Variants in GRK3 observed in about 807,000 individuals in gnomAD.
GRK3 encodes the protein adrenergic, beta, receptor kinase 2.
GRK3 carries 54 observed loss-of-function variants against 95.7 expected under a neutral mutation model. The ratio of observed to expected loss-of-function variants is 0.56; its 90% CI spans 0.45 to 0.71. The LOEUF is 0.71. Among genes scored for constraint, GRK3 ranks in the 30% least tolerant of loss-of-function variants. GRK3 has a pLI of 0.00. For missense variants in GRK3, 649 were observed against 851.2 expected, an observed-to-expected ratio of 0.76 and a Z score of 2.96; for synonymous variants, 281 against 290.8, an observed-to-expected ratio of 0.97 and a Z score of 0.34.
chr22:25,685,222 T>C lies in GRK3; in HGVS notation c.800T>C (p.Leu267Pro). Residue 267 changes from leucine to proline, a missense_variant, in exon 10 of 21, where the codon CTC (leucine) becomes CCC (proline). By Grantham distance (98) the Leu-to-Pro change is moderately conservative. This residue lies in a region of GRK3 where 61 missense variants were observed against 126.0 expected (regional missense o/e 0.48). Transcript: ENST00000324198. The part of the protein sequence containing the change: ...MTYAFHTPDK[L>P]CFILDLMNGG... ...TATGCCTTCCATACCCCAGATAAAC[T>C]CTGCTTCATCCTGGATCTGATGAAC... 1 of 1,613,502 alleles carries C rather than the reference T, an allele frequency of 6.2e-7. No homozygotes were observed. The highest frequency in any genetic ancestry group is 1.1e-5 in the South Asian group (1 of 91,076).
chr22:25,719,196 T>TAA (rs60791959), intron 19 of GRK3, among the ~76,000 whole-genome samples: 21 of 143,038 alleles, frequency 1.5e-4, no homozygotes, highest in South Asian at 6.7e-4. Context: ...CAAGTGCTGT[T>TAA]AAAAAAAAAA....
intron 1 of GRK3, among the ~76,000 whole-genome samples, chr22:25,570,849 G>A (rs1286654115): frequency 1.3e-5 from 2 of 152,074 alleles, no homozygotes; most frequent in Non-Finnish European, 2.9e-5. Context: ...AAGTAATAAT[G>A]TGGCTCTTCA....
chr22:25,685,688 C>T lies in GRK3; in HGVS notation c.826+440C>T, dbSNP rs2085107408. ...ATTTTAGCCCAATCTTCTGCACCTT[C>T]TAAATCTGCACTACTGTACATTGAT... is the stretch of plus-strand genomic sequence containing the variant. On this transcript the variant is annotated intron_variant, in intron 10 of 20. Transcript: ENST00000324198. Among the ~76,000 whole-genome samples the T allele has an allele frequency of 2.0e-5, 3 of 152,328 alleles. No individual in the cohort carries two copies. In the South Asian group the frequency reaches 6.2e-4, roughly 32 times the overall value.
At chr22:25,650,097 T>C (rs1192415424) in intron 3 of GRK3, among the ~76,000 whole-genome samples, 1 of 152,002 alleles carries the variant, frequency 6.6e-6, no homozygotes, top group Non-Finnish European at 1.5e-5. Flanking sequence ...GTTCAAGTGA[T>C]TCTCCTGCCT....
At chr22:25,665,679 G>T (rs895611016) in intron 5 of GRK3, among the ~76,000 whole-genome samples, 1 of 151,790 alleles carries the variant, frequency 6.6e-6, no homozygotes. Context: ...GTATATTAAT[G>T]CAATTCTATG....
intron 3 of GRK3, among the ~76,000 whole-genome samples, chr22:25,652,469 A>C (rs1437322411): frequency 6.6e-6 from 1 of 152,202 alleles, no homozygotes; most frequent in Non-Finnish European, 1.5e-5. Context: ...ATAAAACAAT[A>C]ATGTCGTGTT....
Position 25,696,277 on chromosome 22 carries a change from G to A in GRK3, c.1160+1063G>A, listed in dbSNP as rs1300067432. Reference sequence around the variant, plus strand: ...TTAAACGCCTAAGCCACCACACCTAGCCGGTAAACCCATTTTAAAAAGCTT... The same window carrying A: ...TTAAACGCCTAAGCCACCACACCTAACCGGTAAACCCATTTTAAAAAGCTT... On this transcript the variant is annotated intron_variant, in intron 13 of 20. Transcript: ENST00000324198. Among the ~76,000 whole-genome samples the A allele has an allele frequency of 2.6e-5, 4 of 152,278 alleles. No homozygotes were observed. The East Asian group carries it at 7.7e-4, about 29-fold the overall frequency.
chr22:25,629,194 C>T (rs2084647878), intron 2 of GRK3, among the ~76,000 whole-genome samples: 1 of 152,126 alleles, frequency 6.6e-6, no homozygotes, highest in Admixed American at 6.5e-5. Flanking sequence ...AAGTGTGCTG[C>T]TTTCTGTGGT....
At chr22:25,716,679 G>A (rs1466464888) in intron 18 of GRK3, among the ~76,000 whole-genome samples, 3 of 151,792 alleles carry the variant, frequency 2.0e-5, no homozygotes, top group African/African-American at 4.8e-5. Context: ...CTGTGGATTC[G>A]ACCAACCATG....
chr22:25,579,798 C>T (rs1932037391), intron 1 of GRK3, among the ~76,000 whole-genome samples: 1 of 151,866 alleles, frequency 6.6e-6, no homozygotes, highest in African/African-American at 2.4e-5. Flanking sequence ...AGAAGAATGG[C>T]AGCAAATTAA....
chr22:25,642,541 A>G (rs939069613), intron 2 of GRK3, among the ~76,000 whole-genome samples: 8 of 152,220 alleles, frequency 5.3e-5, no homozygotes, highest in African/African-American at 1.9e-4. Context: ...ACCTAGATAC[A>G]TTGCATAGTG....
chr22:25,688,108 T>C (rs146707771), intron 11 of GRK3, among the ~76,000 whole-genome samples: 2,422 of 151,860 alleles, frequency 0.016, 31 homozygotes, highest in Non-Finnish European at 0.023. Context: ...TGGTGGCAGG[T>C]GCCTGTAGTC....
chr22:25,634,030 C>T (rs1046622593), intron 2 of GRK3, among the ~76,000 whole-genome samples: 2 of 152,066 alleles, frequency 1.3e-5, no homozygotes, highest in Non-Finnish European at 2.9e-5. Flanking sequence ...ATTTCATTTT[C>T]TTCTTCTCTT....
intron 19 of GRK3, among the ~76,000 whole-genome samples, chr22:25,719,014 A>G (rs2085409360): frequency 6.6e-6 from 1 of 152,210 alleles, no homozygotes; most frequent in South Asian, 2.1e-4. Context: ...TGTGAAGGTT[A>G]TATGCAAATA....
At chr22:25,589,255 T>C (rs927643971) in intron 1 of GRK3, among the ~76,000 whole-genome samples, 1 of 152,228 alleles carries the variant, frequency 6.6e-6, no homozygotes, top group Non-Finnish European at 1.5e-5. Flanking sequence ...ATTTTAATAA[T>C]GTGAGGTTAT....
At chr22:25,647,819 A>C in intron 3 of GRK3, 1 of 840,458 alleles carries the variant, frequency 1.2e-6, no homozygotes, top group South Asian at 1.3e-5. Context: ...TTAGGAAGAG[A>C]GAGTGAAATG....
At chr22:25,652,870 G>A (rs1164657420) in intron 3 of GRK3, among the ~76,000 whole-genome samples, 1 of 152,068 alleles carries the variant, frequency 6.6e-6, no homozygotes, top group African/African-American at 2.4e-5. Context: ...ACAGTTGCCT[G>A]CAGTATTCAG....
At chr22:25,715,807 C>T (rs550525919) in intron 18 of GRK3, among the ~76,000 whole-genome samples, 29 of 152,280 alleles carry the variant, frequency 1.9e-4, no homozygotes, top group African/African-American at 6.5e-4. Context: ...ACTTTGGTAG[C>T]AGCATCTTGG....
Position 25,726,912 on chromosome 22 carries a change from C to CAT in GRK3, c.*4462_*4463insAT, listed in dbSNP as rs34169246. On this transcript the variant is annotated 3_prime_UTR_variant, in exon 21 of 21. Transcript: ENST00000324198. ...TTACCAGGCCATCTCCAAAACACCC[C>CAT]GTGTGTGTGTGTGTGTGTGTGTGTG... 1 of 137,896 alleles carries CAT rather than the reference C, an allele frequency of 7.3e-6. No individual in the cohort carries two copies. The highest frequency in any genetic ancestry group is 2.6e-4 in the South Asian group (1 of 3,798). 8.5% of individuals were successfully genotyped at this position (137,896 alleles called of 1,614,324 possible). A position where few individuals can be genotyped will look rare whatever the true frequency, so the allele number is the denominator to read the frequency against.
Sources: gnomAD v4.1 joint callset for allele counts (sites outside exome capture counted in the v4.1 genomes callset) on GRCh38, gnomAD v4.1.1 for gene constraint, gnomAD v4.1.1 regional missense constraint, MANE v1.5 for transcripts, NCBI Gene and HGNC (gene_info 2026-07-23, HGNC 2026-07-21) for gene names.